FSTL4: variants seen among roughly 807,000 people sequenced by gnomAD.
FSTL4 encodes follistatin-related protein 4.
A neutral mutation model predicts 78.2 loss-of-function variants in FSTL4; 28 were observed. The observed-to-expected ratio is 0.36, with a 90% CI of 0.27 to 0.49. The LOEUF (loss-of-function observed/expected upper bound fraction) is 0.49. Ranked by LOEUF, FSTL4 falls within the 20% of genes least tolerant of loss-of-function variation. The probability of loss-of-function intolerance (pLI) is 0.98; values close to 1 mark genes in which losing one functional copy is unlikely to be tolerated. For synonymous variants in FSTL4, 422 were observed against 440.5 expected (o/e 0.96, Z 0.53); for missense variants, 922 against 1,084.9 (o/e 0.85, Z 2.11).
At chr5:133,671,698 T>G in the FSTL4 span, among the ~76,000 whole-genome samples, 2 of 152,182 alleles carry the variant, frequency 1.3e-5, no homozygotes, top group African/African-American at 4.8e-5. Flanking sequence ...ATATTTGTCC[T>G]GATTGGCTAG....
At chr5:133,243,543 T>C (rs1209444870) in intron 7 of FSTL4, among the ~76,000 whole-genome samples, 1 of 152,168 alleles carries the variant, frequency 6.6e-6, no homozygotes, top group Non-Finnish European at 1.5e-5. Context: ...AGCAAAGATT[T>C]GGAATTGCTG....
chr5:133,697,593 AT>A, the FSTL4 span, among the ~76,000 whole-genome samples: 1 of 152,186 alleles, frequency 6.6e-6, no homozygotes, highest in Non-Finnish European at 1.5e-5. Flanking sequence ...GAATCTCTTT[AT>A]TTTTAAGAGG....
At chr5:133,738,663 C>T in the FSTL4 span, among the ~76,000 whole-genome samples, 38 of 152,252 alleles carry the variant, frequency 2.5e-4, no homozygotes, top group Middle Eastern at 3.4e-3. Context: ...CTTGCCACCT[C>T]GTTTATCTTG....
At chr5:133,652,042 G>A in the FSTL4 span, among the ~76,000 whole-genome samples, 1 of 152,166 alleles carries the variant, frequency 6.6e-6, no homozygotes, top group African/African-American at 2.4e-5. Context: ...TGTGAGCTTA[G>A]AGTTGTTCAT....
At chr5:133,775,337 C>A in the FSTL4 span, among the ~76,000 whole-genome samples, 1 of 152,206 alleles carries the variant, frequency 6.6e-6, no homozygotes, top group Non-Finnish European at 1.5e-5. Context: ...TGTAAAGCAG[C>A]TTCTGCCTTC....
intron 3 of FSTL4, among the ~76,000 whole-genome samples, chr5:133,436,583 T>C (rs1241333081): frequency 6.6e-6 from 1 of 152,198 alleles, no homozygotes; most frequent in Non-Finnish European, 1.5e-5. Flanking sequence ...AATGATATGC[T>C]GGAGACTACT....
At chr5:133,712,044 T>A in the FSTL4 span, among the ~76,000 whole-genome samples, 1 of 152,012 alleles carries the variant, frequency 6.6e-6, no homozygotes, top group Non-Finnish European at 1.5e-5. Flanking sequence ...ATTCTCTCCA[T>A]CCCCAGGCCG....
At chr5:133,221,891 G>GTTTTTT (rs59400068) in intron 11 of FSTL4, among the ~76,000 whole-genome samples, 6 of 43,358 alleles carry the variant, frequency 1.4e-4, no homozygotes, top group Non-Finnish European at 2.4e-4. Flanking sequence ...CTCTTTTCTA[G>GTTTTTT]TTTTTTTTTT....
intron 13 of FSTL4, among the ~76,000 whole-genome samples, chr5:133,212,480 A>C (rs1241187371): frequency 6.6e-6 from 1 of 152,224 alleles, no homozygotes; most frequent in Non-Finnish European, 1.5e-5. Flanking sequence ...GCTTCAACTC[A>C]GTCTCTACTC....
chr5:133,665,642 C>G, the FSTL4 span, among the ~76,000 whole-genome samples: 1 of 151,578 alleles, frequency 6.6e-6, no homozygotes, highest in African/African-American at 2.4e-5. Context: ...AAGCAGCCTT[C>G]ACTTCTGTGC....
chr5:133,746,927 G>A, the FSTL4 span, among the ~76,000 whole-genome samples: 1 of 152,226 alleles, frequency 6.6e-6, no homozygotes, highest in Non-Finnish European at 1.5e-5. Context: ...CCAGAGGGAT[G>A]AAGTAACAAG....
At chr5:133,817,817 G>C in the FSTL4 span, among the ~76,000 whole-genome samples, 1 of 152,160 alleles carries the variant, frequency 6.6e-6, no homozygotes, top group African/African-American at 2.4e-5. Context: ...TAAAGAAACA[G>C]CATGACCTGG....
At chr5:133,484,777 T>C (rs1758099748) in intron 3 of FSTL4, among the ~76,000 whole-genome samples, 1 of 152,216 alleles carries the variant, frequency 6.6e-6, no homozygotes. Context: ...CTGCAACCGA[T>C]GTCAGTGTGA....
At chr5:133,215,241 T>A (rs1041765170) in intron 13 of FSTL4, among the ~76,000 whole-genome samples, 1 of 152,204 alleles carries the variant, frequency 6.6e-6, no homozygotes, top group Admixed American at 6.5e-5. Flanking sequence ...CCTTTATTGG[T>A]TTCTTCTCTC....
At chr5:133,633,114 A>G in the FSTL4 span, among the ~76,000 whole-genome samples, 15 of 152,164 alleles carry the variant, frequency 9.9e-5, no homozygotes, top group Non-Finnish European at 2.1e-4. Context: ...AATTTTAGAA[A>G]TTATCTTGGT....
intron 14 of FSTL4, among the ~76,000 whole-genome samples, chr5:133,207,335 T>G (rs1286336665): frequency 1.3e-5 from 2 of 152,246 alleles, no homozygotes; most frequent in Non-Finnish European, 2.9e-5. Flanking sequence ...TAACCCTAAA[T>G]TCCACATTGC....
the FSTL4 span, among the ~76,000 whole-genome samples, chr5:133,627,210 C>A: frequency 6.9e-6 from 1 of 144,002 alleles, no homozygotes; most frequent in Non-Finnish European, 1.5e-5. Context: ...CCCCACACTG[C>A]CAATAAAGAC....
At chr5:133,775,825 A>C in the FSTL4 span, among the ~76,000 whole-genome samples, 2 of 152,192 alleles carry the variant, frequency 1.3e-5, no homozygotes, top group Non-Finnish European at 2.9e-5. Context: ...GTCAGAATAG[A>C]CAATATATTA....
In FSTL4 at chr5:133,459,746, G is replaced by A. The variant is rs371324737; in HGVS notation, c.161-58760C>T. Among the ~76,000 whole-genome samples, 376 of 138,102 alleles carry A rather than the reference G, an allele frequency of 2.7e-3. 1 individual carries two copies. Among genetic ancestry groups the A allele is most frequent in the African/African-American group, 8.1e-3 (324 of 39,844 alleles). 90.6% of individuals were successfully genotyped at this position (138,102 alleles called of 152,430 possible). A position where few individuals can be genotyped will look rare whatever the true frequency, so the allele number is the denominator to read the frequency against. ...CATGGGAGAACAGGAGACCATAAGCGTCAACTCAGGCTTTGGGAAGTGAAA... is the reference window on the plus strand; with the variant it reads ...CATGGGAGAACAGGAGACCATAAGCATCAACTCAGGCTTTGGGAAGTGAAA... On this transcript the variant is annotated intron_variant, in intron 3 of 15. Coordinates refer to ENST00000265342, the MANE Select transcript of FSTL4 (RefSeq NM_015082.2).
Sources: gnomAD v4.1 joint callset for allele counts (sites outside exome capture counted in the v4.1 genomes callset) on GRCh38, gnomAD v4.1.1 for gene constraint, MANE v1.5 for transcripts, NCBI Gene and HGNC (gene_info 2026-07-23, HGNC 2026-07-21) for gene names.